RNF145: variants seen among roughly 807,000 people sequenced by gnomAD.
The protein encoded by RNF145 is ring finger protein 145.
RNF145 carries 12 observed loss-of-function variants against 57.3 expected under a neutral mutation model. That is an observed-to-expected ratio of 0.21 (90% CI 0.13 to 0.34). RNF145 has a LOEUF of 0.34. Among genes scored for constraint, RNF145 ranks in the 10% least tolerant of loss-of-function variants. RNF145 has a pLI of 1.00. For missense variants in RNF145, 429 were observed against 799.0 expected (o/e 0.54, Z 5.58); for synonymous variants, 262 against 288.3 (o/e 0.91, Z 0.92).
At chr5:159,209,557 G>A (rs1388574981), upstream of RNF145, 3 of 989,466 alleles carry the variant, frequency 3.0e-6, no homozygotes, top group East Asian at 1.1e-4. Flanking sequence ...GCTCTGCGGC[G>A]GCCGCGGCCC....
intron 3 of RNF145, among the ~76,000 whole-genome samples, chr5:159,183,211 T>A (rs965994212): frequency 6.6e-6 from 1 of 152,204 alleles, no homozygotes; most frequent in Non-Finnish European, 1.5e-5. Context: ...GTATTAATTG[T>A]CTCTTTCTAC....
intron 6 of RNF145, among the ~76,000 whole-genome samples, chr5:159,172,898 T>C (rs371380780): frequency 2.8e-4 from 42 of 152,292 alleles, no homozygotes; most frequent in Middle Eastern, 3.4e-3. Context: ...ATTTACTTTA[T>C]AGGAGGACAG....
At chr5:159,169,318 G>GT (rs1184884566) in intron 7 of RNF145, among the ~76,000 whole-genome samples, 1 of 152,148 alleles carries the variant, frequency 6.6e-6, no homozygotes, top group Non-Finnish European at 1.5e-5. Context: ...ACAAATAGAA[G>GT]TTTTCCAACC....
chr5:159,203,033 G>A (rs6891575), intron 2 of RNF145, among the ~76,000 whole-genome samples: 80,773 of 151,506 alleles, frequency 0.53, 22,507 homozygotes, highest in African/African-American at 0.7. Flanking sequence ...TGATGTTAAT[G>A]TTTTCGTTTA....
chr5:159,209,744 G>A (rs1786048794), upstream of RNF145: 7 of 1,181,774 alleles, frequency 5.9e-6, no homozygotes, highest in South Asian at 9.3e-5. Context: ...GCTATGGAGA[G>A]GCGTACTGCA....
At chr5:159,169,457 G>C (rs1223151092) in intron 7 of RNF145, among the ~76,000 whole-genome samples, 3 of 152,104 alleles carry the variant, frequency 2.0e-5, no homozygotes, top group Non-Finnish European at 4.4e-5. Context: ...GAAGGAAGGT[G>C]CCCAATATTC....
intron 3 of RNF145, among the ~76,000 whole-genome samples, chr5:159,188,865 C>T (rs1399182769): frequency 6.6e-6 from 1 of 152,072 alleles, no homozygotes; most frequent in Non-Finnish European, 1.5e-5. Flanking sequence ...TTCAAAAGTT[C>T]ATGAAATTTT....
intron 5 of RNF145, among the ~76,000 whole-genome samples, chr5:159,175,785 T>C (rs538699443): frequency 1.3e-5 from 2 of 152,314 alleles, no homozygotes; most frequent in East Asian, 3.9e-4. Flanking sequence ...AAGAGAATAC[T>C]TCACTTAGCT....
At chr5:159,206,705 A>G (rs1024771090) in intron 1 of RNF145, among the ~76,000 whole-genome samples, 1 of 152,202 alleles carries the variant, frequency 6.6e-6, no homozygotes, top group African/African-American at 2.4e-5. Context: ...TATTCTCTTG[A>G]AAACAAAATA....
chr5:159,159,685 A>G (rs2113066787), intron 10 of RNF145, among the ~76,000 whole-genome samples: 1 of 152,368 alleles, frequency 6.6e-6, no homozygotes, highest in East Asian at 1.9e-4. Context: ...TAAAATCTAT[A>G]GTTACAAGCC....
intron 6 of RNF145, among the ~76,000 whole-genome samples, chr5:159,172,620 ATAAT>A (rs1263007295): frequency 1.3e-5 from 2 of 152,222 alleles, no homozygotes; most frequent in Admixed American, 6.5e-5. Flanking sequence ...GAAGCTACTT[ATAAT>A]TGTTATTCAT....
chr5:159,202,252 G>A (rs1418138918), intron 2 of RNF145, among the ~76,000 whole-genome samples: 2 of 152,156 alleles, frequency 1.3e-5, no homozygotes, highest in African/African-American at 4.8e-5. Flanking sequence ...CAGTATGTAT[G>A]ACTTTGCTGA....
At chr5:159,207,772 T>C in intron 1 of RNF145, 1 of 1,614,174 alleles carries the variant, frequency 6.2e-7, no homozygotes, top group Non-Finnish European at 8.5e-7. Flanking sequence ...CCACATAAAC[T>C]ACTAGCAATT....
chr5:159,175,207 G>A (rs1784680130), intron 5 of RNF145, among the ~76,000 whole-genome samples: 1 of 152,024 alleles, frequency 6.6e-6, no homozygotes, highest in Admixed American at 6.5e-5. Flanking sequence ...AAAGAAAAAG[G>A]AAACTGCCCA....
intron 7 of RNF145, 150 bp downstream of exon 7, chr5:159,169,529 T>C (rs1191887241): frequency 5.2e-5 from 30 of 575,452 alleles, no homozygotes; most frequent in Non-Finnish European, 8.3e-5. Flanking sequence ...TATTTTTTCA[T>C]AGTATTTTAA....
intron 1 of RNF145, chr5:159,208,095 GCA>G: frequency 1.4e-6 from 2 of 1,457,590 alleles, no homozygotes; most frequent in Non-Finnish European, 1.8e-6. Flanking sequence ...CCTGCTCACT[GCA>G]CAGGCCCCTT....
Position 159,203,658 on chromosome 5 carries a change from T to A in RNF145, c.-39-2A>T. ...CTTTTTTTTTTTCTTGGAGAAGACC[T>A]AAAATTCAGAAGACACAATATATAA... is the stretch of plus-strand genomic sequence containing the variant. On this transcript the variant is annotated splice_acceptor_variant, in intron 1 of 10. Coordinates refer to ENST00000424310, the MANE Select transcript of RNF145 (RefSeq NM_001199383.2). LOFTEE classifies it low-confidence loss of function (5UTR_SPLICE). The A allele has an allele frequency of 6.4e-7, 1 of 1,562,042 alleles. No homozygotes were observed. The highest frequency in any genetic ancestry group is 8.7e-7 in the Non-Finnish European group (1 of 1,152,160).
intron 6 of RNF145, among the ~76,000 whole-genome samples, chr5:159,170,442 A>G (rs1036309330): frequency 2.0e-5 from 3 of 152,352 alleles, no homozygotes; most frequent in Non-Finnish European, 4.4e-5. Flanking sequence ...AAAGTTTGCT[A>G]TGATACTATT....
chr5:159,163,727 TA>T (rs1164860272), intron 8 of RNF145, among the ~76,000 whole-genome samples: 3 of 152,220 alleles, frequency 2.0e-5, no homozygotes, highest in African/African-American at 7.2e-5. Flanking sequence ...ACACTGTCTC[TA>T]AATTTTTGAG....
Sources: allele counts gnomAD v4.1 joint callset (sites outside exome capture counted in the v4.1 genomes callset), GRCh38; gene constraint gnomAD v4.1.1; transcripts MANE v1.5; gene names NCBI Gene and HGNC (gene_info 2026-07-23, HGNC 2026-07-21).